The following SUFU variants were observed in gnomAD, a reference collection of about 807,000 sequenced individuals.
SUFU encodes the protein suppressor of fused homolog.
In SUFU, 7 loss-of-function variants were observed where a neutral mutation model predicts 58.9. The observed-to-expected ratio is 0.12, with a 90% CI of 0.07 to 0.22. The LOEUF is 0.22. Among genes scored for constraint, SUFU ranks in the 10% least tolerant of loss-of-function variants. SUFU has a pLI of 1.00. For missense variants in SUFU, 451 were observed against 641.3 expected (o/e 0.70, Z 3.20); for synonymous variants, 232 against 254.8 (o/e 0.91, Z 0.85).
At chr10:102,589,227 C>T (rs571150306) in intron 3 of SUFU, among the ~76,000 whole-genome samples, 12 of 151,984 alleles carry the variant, frequency 7.9e-5, no homozygotes, top group Non-Finnish European at 1.5e-4. Context: ...CATGCATGGC[C>T]TTAGTTTTGT....
chr10:102,579,429 T>G lies in SUFU; in HGVS notation c.455-13153T>G, dbSNP rs61871135. Among the ~76,000 whole-genome samples the G allele has an allele frequency of 5.7e-3, 870 of 152,354 alleles. 6 individuals carry two copies. Among genetic ancestry groups the G allele is most frequent in the South Asian group, 0.012 (59 of 4,830 alleles). ...CAGCCCGCCAGCCTCCCACCTCCCC[T>G]GCTGTGACTTGTATTCCAGTTTACT... is the stretch of plus-strand genomic sequence containing the variant. On this transcript the variant is annotated intron_variant, in intron 3 of 11. Coordinates refer to ENST00000369902, the MANE Select transcript of SUFU (RefSeq NM_016169.4).
chr10:102,517,876 C>T (rs2062492441), intron 2 of SUFU, among the ~76,000 whole-genome samples: 1 of 152,174 alleles, frequency 6.6e-6, no homozygotes, highest in South Asian at 2.1e-4. Flanking sequence ...GTCCCCTGTA[C>T]AGGCAGAACA....
In SUFU at chr10:102,617,349, T is replaced by C. The variant is rs1554854758; in HGVS notation, c.1217T>C (p.Ile406Thr). The change falls in exon 10 of 12, where the codon ATC becomes ACC. Residue 406 changes from isoleucine (I) to threonine (T), a missense_variant. Transcript: ENST00000369902. The surrounding 1 kb of genome is among the most constrained non-coding windows in gnomAD (Gnocchi z 4.4). The part of the protein sequence containing the change: ...TYKSITGDMA[I>T]TFVSTGVEGA... ...AAAAGTATCACAGGTGACATGGCCA[T>C]CACGTTTGTCTCCACGGGAGTGGAA... is the stretch of plus-strand genomic sequence containing the variant. 6.2e-7 allele frequency: 1 copy of C among 1,614,092 alleles called. No individual in the cohort carries two copies. Among genetic ancestry groups the C allele is most frequent in the Non-Finnish European group, 8.5e-7 (1 of 1,180,044 alleles).
intron 3 of SUFU, among the ~76,000 whole-genome samples, chr10:102,554,990 C>A (rs544679645): frequency 6.6e-6 from 1 of 152,094 alleles, no homozygotes; most frequent in African/African-American, 2.4e-5. Context: ...ATGGATTGGC[C>A]GGGCGCAGTG....
rs2063435526 is a variant in SUFU at position 102,594,062 on chromosome 10, G to A, written c.753G>A (p.Leu251=). 5 of 1,613,964 alleles carry A rather than the reference G, an allele frequency of 3.1e-6. No individual in the cohort carries two copies. Among genetic ancestry groups the A allele is most frequent in the Non-Finnish European group, 4.2e-6 (5 of 1,179,968 alleles). The change falls in exon 6 of 12, where the codon CTG becomes CTA. Residue 251 remains leucine (L), a synonymous_variant. Transcript: ENST00000369902. ...CCATATTTGAGATCGATCCACACCT[G>A]CAAGTATGTCTTGAGTGAGGAAAAC... ...GETIFEIDPH[L]QERVDKGIET...
chr10:102,630,539 C>T lies in SUFU; in HGVS notation c.*384C>T. 1 of 406,966 alleles carries T rather than the reference C, an allele frequency of 2.5e-6. No individual in the cohort carries two copies. Among genetic ancestry groups the T allele is most frequent in the East Asian group, 4.1e-5 (1 of 24,568 alleles). The allele number at this position is 406,966 out of a possible 1,614,324, so 25.2% of individuals were successfully genotyped here. ...CACAGCCCAGCAGGAGGGAGGCGGA[C>T]AGCCAGATGCAGAGCGAGTGGATGC... On this transcript the variant is annotated 3_prime_UTR_variant, in exon 12 of 12. Transcript: ENST00000369902.
chr10:102,568,898 ATATATATATATATATATATAT>A lies in SUFU; in HGVS notation c.454+18793_454+18813del, dbSNP rs2063126172. On this transcript the variant is annotated intron_variant, in intron 3 of 11. Coordinates refer to ENST00000369902, the MANE Select transcript of SUFU (RefSeq NM_016169.4). ...TCAAAAAAAAAAAAAAAAAAAAAAA[ATATATATATATATATATATAT>A]ACACATATATATATATATATATATA... Among the ~76,000 whole-genome samples, 4 of 5,960 alleles carry A rather than the reference ATATATATATATATATATATAT, an allele frequency of 6.7e-4. 1 individual carries two copies. Among genetic ancestry groups the A allele is most frequent in the African/African-American group, 3.7e-3 (4 of 1,082 alleles). The allele number at this position is 5,960 out of a possible 152,430, so 3.9% of individuals were successfully genotyped here.
intron 10 of SUFU, chr10:102,618,931 CGTGTGTGTGTGTGTGTGTGT>C (rs59259635): frequency 1.7e-4 from 98 of 575,336 alleles, no homozygotes; most frequent in African/African-American, 1.4e-3. Flanking sequence ...CCTCAGGTAG[CGTGTGTGTGTGTGTGTGTGT>C]GTGTGTGTGT....
intron 8 of SUFU, among the ~76,000 whole-genome samples, chr10:102,607,032 G>A (rs1443471335): frequency 1.3e-5 from 2 of 151,812 alleles, no homozygotes; most frequent in African/African-American, 2.4e-5. Context: ...GTCCTGGGAG[G>A]AGGATGTGTG....
At chr10:102,520,095 T>C (rs1371433571) in intron 2 of SUFU, among the ~76,000 whole-genome samples, 4 of 151,210 alleles carry the variant, frequency 2.6e-5, no homozygotes, top group African/African-American at 9.7e-5. Flanking sequence ...ATTAACACCT[T>C]GCATTATTGT....
intron 3 of SUFU, chr10:102,573,199 A>C (rs1020874299): frequency 3.4e-5 from 25 of 745,904 alleles, no homozygotes; most frequent in Non-Finnish European, 5.9e-5. Context: ...GAGGAGCAGG[A>C]GCTTCCTTCT....
intron 11 of SUFU, 46 bp downstream of exon 11, chr10:102,627,289 C>G: frequency 6.4e-7 from 1 of 1,554,906 alleles, no homozygotes. Flanking sequence ...GTCTCTGGGA[C>G]CATGTGTGTG....
chr10:102,511,910 C>T (rs1005223441), intron 2 of SUFU, among the ~76,000 whole-genome samples: 6 of 152,168 alleles, frequency 3.9e-5, no homozygotes, highest in African/African-American at 1.4e-4. Flanking sequence ...TGAGGTCTCA[C>T]TATGTTGCCC....
At chr10:102,575,286 C>G (rs1178557823) in intron 3 of SUFU, among the ~76,000 whole-genome samples, 1 of 152,106 alleles carries the variant, frequency 6.6e-6, no homozygotes, top group Non-Finnish European at 1.5e-5. Flanking sequence ...AAGGATGGCT[C>G]CTAATGTTCT....
intron 3 of SUFU, chr10:102,591,188 A>G (rs1327778334): frequency 6.6e-6 from 1 of 152,216 alleles, no homozygotes. Context: ...AGAATGAGAT[A>G]GCTCTCCATA....
At chr10:102,557,567 A>G (rs1171974459) in intron 3 of SUFU, among the ~76,000 whole-genome samples, 2 of 152,160 alleles carry the variant, frequency 1.3e-5, no homozygotes, top group Non-Finnish European at 2.9e-5. Flanking sequence ...GCAGTGAGCC[A>G]TGATCACACA....
intron 9 of SUFU, 97 bp downstream of exon 9, chr10:102,615,499 G>A: frequency 6.3e-7 from 1 of 1,584,748 alleles, no homozygotes; most frequent in Non-Finnish European, 8.6e-7. Context: ...CCCCCAGCAG[G>A]CGTCCTCCAG....
intron 2 of SUFU, among the ~76,000 whole-genome samples, chr10:102,526,817 G>C (rs1564665566): frequency 6.6e-6 from 1 of 152,018 alleles, no homozygotes; most frequent in Non-Finnish European, 1.5e-5. Flanking sequence ...CCTAGGCAGT[G>C]AAACAGCTAG....
At chr10:102,615,469 C>T in intron 9 of SUFU, 67 bp downstream of exon 9, 1 of 1,610,702 alleles carries the variant, frequency 6.2e-7, no homozygotes. Context: ...GGGGGCACTT[C>T]AGAGCCTCCC....
Sources: allele counts gnomAD v4.1 joint callset (sites outside exome capture counted in the v4.1 genomes callset), GRCh38; gene constraint gnomAD v4.1.1; non-coding constraint Gnocchi (gnomAD v3.1); transcripts MANE v1.5; gene names NCBI Gene and HGNC (gene_info 2026-07-23, HGNC 2026-07-21).